Variants in OR8G1 observed in about 807,000 individuals in gnomAD.
The protein encoded by OR8G1 is olfactory receptor family 8 subfamily G member 1.
For missense variants in OR8G1, 372 were observed against 356.2 expected (o/e 1.04, Z -0.36); for synonymous variants, 129 against 133.3 (o/e 0.97, Z 0.22).
rs1348505742 is a variant in OR8G1, at chr11:124,249,636, G to T, written c.-16-24G>T. ...CCTCCCACAACCATGGGGTTTTTTT[G>T]TTTTGTTTTTTCTCTTCCTGCAGAA... On this transcript the variant is annotated intron_variant, in intron 2 of 2. Transcript: ENST00000641972. The T allele has an allele frequency of 3.2e-5, 50 of 1,560,726 alleles. No individual in the cohort carries two copies. The Admixed American group carries it at 4.1e-4, about 13-fold the overall frequency.
At position 124,252,844 on chromosome 11, in the gene OR8G1, C is replaced by G. The variant is rs1861877335; in HGVS notation, c.*2233C>G. 1 of 152,134 alleles carries G rather than the reference C, an allele frequency of 6.6e-6. No homozygotes were observed. Among genetic ancestry groups the G allele is most frequent in the African/African-American group, 2.4e-5 (1 of 41,438 alleles). The allele number at this position is 152,134 out of a possible 1,614,324, so 9.4% of individuals were successfully genotyped here. On this transcript the variant is annotated 3_prime_UTR_variant, in exon 3 of 3. Transcript: ENST00000641972. ...GCTCATTTGGCTTATGTACAGTCAGCTCAAAGAATTCTTGCTCTTGGGGTC... is the reference window on the plus strand; with the variant it reads ...GCTCATTTGGCTTATGTACAGTCAGGTCAAAGAATTCTTGCTCTTGGGGTC...
Position 124,250,425 on chromosome 11 carries a change from C to G in OR8G1, c.750C>G (p.Ile250Met), listed in dbSNP as rs771102757. The change falls in exon 3 of 3, where the codon ATC becomes ATG. Residue 250 changes from isoleucine to methionine, a missense_variant. By Grantham distance (10) the Ile-to-Met change is conservative. Transcript: ENST00000641972. ...TCSSHMLAVV[I>M]FFGSAAFMYL... ...GCTCCCACATGTTGGCGGTTGTAAT[C>G]TTTTTTGGATCTGCAGCATTCATGT... 1.9e-6 allele frequency: 3 copies of G among 1,613,768 alleles called. No individual in the cohort carries two copies. In the Admixed American group the frequency reaches 5.0e-5, roughly 27 times the overall value.
At chr11:124,245,649 A>G (rs897897553) in intron 1 of OR8G1, among the ~76,000 whole-genome samples, 4 of 142,290 alleles carry the variant, frequency 2.8e-5, no homozygotes, top group Admixed American at 7.0e-5. Flanking sequence ...AAGTGTTCCT[A>G]TTTCTCCACA....
intron 1 of OR8G1, among the ~76,000 whole-genome samples, chr11:124,244,554 G>A (rs1861793655): frequency 6.6e-6 from 1 of 151,316 alleles, no homozygotes; most frequent in Non-Finnish European, 1.5e-5. Context: ...CATCTATATT[G>A]AGCAACTGAA....
At chr11:124,246,000 G>A (rs1219726856) in intron 1 of OR8G1, among the ~76,000 whole-genome samples, 1 of 133,308 alleles carries the variant, frequency 7.5e-6, no homozygotes, top group Non-Finnish European at 1.6e-5. Flanking sequence ...CTTTTGCTGT[G>A]CAGAAGCTCT....
rs1301354649 is a variant in OR8G1 at position 124,252,708 on chromosome 11, T to C, written c.*2097T>C. ...CTCATTTCAGCAGACTTGAGGCACA[T>C]TTATTAGCTGTGTGCAAGCTGAGAG... On this transcript the variant is annotated 3_prime_UTR_variant, in exon 3 of 3. Transcript: ENST00000641972. The C allele has an allele frequency of 6.6e-6, 1 of 152,170 alleles. No individual in the cohort carries two copies. The highest frequency in any genetic ancestry group is 2.4e-5 in the African/African-American group (1 of 41,446). The allele number at this position is 152,170 out of a possible 1,614,324, so 9.4% of individuals were successfully genotyped here. A position where few individuals can be genotyped will look rare whatever the true frequency, so the allele number is the denominator to read the frequency against.
Position 124,252,245 on chromosome 11 carries a change from A to G in OR8G1, c.*1634A>G, listed in dbSNP as rs989665490. The stretch of plus-strand genomic sequence containing the variant: ...ATTAACCTGAGTCTGGGAAGATTCA[A>G]CTGTTAATCTATTTCTTCCATGTGG... On this transcript the variant is annotated 3_prime_UTR_variant, in exon 3 of 3. Transcript: ENST00000641972. The G allele has an allele frequency of 3.9e-5, 6 of 152,318 alleles. No homozygotes were observed. Among genetic ancestry groups the G allele is most frequent in the African/African-American group, 1.4e-4 (6 of 41,578 alleles). 9.4% of individuals were successfully genotyped at this position (152,318 alleles called of 1,614,324 possible). A position where few individuals can be genotyped will look rare whatever the true frequency, so the allele number is the denominator to read the frequency against.
chr11:124,254,146 A>G lies in OR8G1; in HGVS notation c.*3535A>G, dbSNP rs1253580170. 6.6e-6 allele frequency: 1 copy of G among 152,144 alleles called. No homozygotes were observed. Among genetic ancestry groups the G allele is most frequent in the African/African-American group, 2.4e-5 (1 of 41,452 alleles). 9.4% of individuals were successfully genotyped at this position (152,144 alleles called of 1,614,324 possible). On this transcript the variant is annotated 3_prime_UTR_variant, in exon 3 of 3. Coordinates refer to ENST00000641972, the MANE Select transcript of OR8G1 (RefSeq NM_001002905.2). ...TTTTCCATAATGACTGTACTAATTTACATTCCCATAAACAGCATGTAATGG... is the reference window on the plus strand; with the variant it reads ...TTTTCCATAATGACTGTACTAATTTGCATTCCCATAAACAGCATGTAATGG...
intron 1 of OR8G1, among the ~76,000 whole-genome samples, chr11:124,245,776 A>AT (rs1399826537): frequency 5.8e-4 from 84 of 144,674 alleles, no homozygotes; most frequent in Non-Finnish European, 1.0e-3. Flanking sequence ...GATGGTGAGC[A>AT]TTTTTTCATG....
chr11:124,248,350 A>T (rs1861832530), intron 2 of OR8G1, among the ~76,000 whole-genome samples: 1 of 151,796 alleles, frequency 6.6e-6, no homozygotes, highest in Non-Finnish European at 1.5e-5. Context: ...CATACAAATT[A>T]AGTATTTGTA....
intron 1 of OR8G1, among the ~76,000 whole-genome samples, chr11:124,243,323 C>T (rs1281597262): frequency 6.6e-6 from 1 of 151,836 alleles, no homozygotes; most frequent in Admixed American, 6.6e-5. Context: ...ATTTTGTGTA[C>T]ATGTAAAGTA....
chr11:124,246,558 G>T (rs930368723), intron 1 of OR8G1, among the ~76,000 whole-genome samples: 2 of 151,592 alleles, frequency 1.3e-5, no homozygotes, highest in Non-Finnish European at 3.0e-5. Flanking sequence ...ATAAAAATCA[G>T]AAATTTTAGT....
At chr11:124,242,781 GAATT>G (rs1281743195) in intron 1 of OR8G1, among the ~76,000 whole-genome samples, 12 of 152,068 alleles carry the variant, frequency 7.9e-5, no homozygotes, top group Admixed American at 2.0e-4. Context: ...TGTACATAAA[GAATT>G]AATCATTTAA....
chr11:124,244,811 A>G (rs11219528), intron 1 of OR8G1, among the ~76,000 whole-genome samples: 77,297 of 151,372 alleles, frequency 0.51, 20,340 homozygotes, highest in South Asian at 0.7. Flanking sequence ...TCATAAATCT[A>G]AAGAGATTAC....
chr11:124,246,271 T>TATTTTGTTA (rs1183370883), intron 1 of OR8G1, among the ~76,000 whole-genome samples: 3 of 152,026 alleles, frequency 2.0e-5, no homozygotes, highest in African/African-American at 7.2e-5. Context: ...ACATTGCATG[T>TATTTTGTTA]ATTTTGTTAA....
rs951697581 is a variant in OR8G1, at chr11:124,253,699, T to C, written c.*3088T>C. Reference sequence around the variant, plus strand: ...TCTATCTAATTAAAATATTATATCCTTTGACCAACATCTCCTCCCACACGC... The same window carrying C: ...TCTATCTAATTAAAATATTATATCCCTTGACCAACATCTCCTCCCACACGC... On this transcript the variant is annotated 3_prime_UTR_variant, in exon 3 of 3. Coordinates refer to ENST00000641972, the MANE Select transcript of OR8G1 (RefSeq NM_001002905.2). 2 of 152,090 alleles carry C rather than the reference T, an allele frequency of 1.3e-5. No homozygotes were observed. Among genetic ancestry groups the C allele is most frequent in the Non-Finnish European group, 2.9e-5 (2 of 68,030 alleles). 9.4% of individuals were successfully genotyped at this position (152,090 alleles called of 1,614,324 possible). A position where few individuals can be genotyped will look rare whatever the true frequency, so the allele number is the denominator to read the frequency against.
At position 124,252,398 on chromosome 11, in the gene OR8G1, A is replaced by G. The variant is rs183618793; in HGVS notation, c.*1787A>G. 6.6e-6 allele frequency: 1 copy of G among 152,300 alleles called. No homozygotes were observed. The highest frequency in any genetic ancestry group is 1.5e-5 in the Non-Finnish European group (1 of 68,026). The allele number at this position is 152,300 out of a possible 1,614,324, so 9.4% of individuals were successfully genotyped here. On this transcript the variant is annotated 3_prime_UTR_variant, in exon 3 of 3. Transcript: ENST00000641972. ...AGAAAAAAATATATTTCTAAAAGCT[A>G]AGGGGACTTAAAGTTATTTCCTCAG...
In OR8G1 at chr11:124,244,686, G is replaced by A. The variant is rs557148516; in HGVS notation, c.-96-3115G>A. On this transcript the variant is annotated intron_variant, in intron 1 of 2. Transcript: ENST00000641972. ...ACAGATTCAAGGAGAAAATGGTATG[G>A]AGTGTGAAGGCTAGCACATTTATGA... Among the ~76,000 whole-genome samples, 5 of 152,030 alleles carry A rather than the reference G, an allele frequency of 3.3e-5. No homozygotes were observed. The South Asian group carries it at 1.0e-3, about 32-fold the overall frequency.
Position 124,250,799 on chromosome 11 carries a change from C to A in OR8G1, c.*188C>A. 5 of 290,222 alleles carry A rather than the reference C, an allele frequency of 1.7e-5. No individual in the cohort carries two copies. The highest frequency in any genetic ancestry group is 2.9e-5 in the Non-Finnish European group (5 of 173,194). 18.0% of individuals were successfully genotyped at this position (290,222 alleles called of 1,614,324 possible). On this transcript the variant is annotated 3_prime_UTR_variant, in exon 3 of 3. Transcript: ENST00000641972. ...ATGTGGGGTTTTAACTCATATGTAT[C>A]AATGAGACACAAATTAATATAAATA...
Sources: gnomAD v4.1 joint callset for allele counts (sites outside exome capture counted in the v4.1 genomes callset) on GRCh38, gnomAD v4.1.1 for gene constraint, MANE v1.5 for transcripts, NCBI Gene and HGNC (gene_info 2026-07-23, HGNC 2026-07-21) for gene names.